BTBD9: variants seen among roughly 807,000 people sequenced by gnomAD.
BTBD9 encodes the protein BTB/POZ domain-containing protein 9.
Under a neutral mutation model 64.3 loss-of-function variants are expected in BTBD9, and 49 were observed. The observed-to-expected ratio is 0.76, with a 90% CI of 0.61 to 0.97. The LOEUF (loss-of-function observed/expected upper bound fraction) is 0.97. Among genes scored for constraint, BTBD9 ranks in the 50% least tolerant of loss-of-function variants. The probability of loss-of-function intolerance (pLI) is 0.00; values close to 1 mark genes in which losing one functional copy is unlikely to be tolerated. For missense variants in BTBD9, 598 were observed against 762.1 expected (o/e 0.78, Z 2.53); for synonymous variants, 260 against 274.7 (o/e 0.95, Z 0.53).
At chr6:38,330,790 T>C (rs544375017) in intron 7 of BTBD9, among the ~76,000 whole-genome samples, 77 of 152,104 alleles carry the variant, frequency 5.1e-4, no homozygotes, top group Non-Finnish European at 7.4e-5. Context: ...AAACAAAGAA[T>C]AAAATAAGCA....
chr6:38,592,688 C>T lies in BTBD9; in HGVS notation c.702G>A (p.Glu234=). ...CTGAAGGCCTCACAACATTCAGAAG[C>T]TCTGTGAGGCTCATGAGAGGTAAAC... ...AVRLPLMSLT[E]LLNVVRPSGL... is the part of the protein sequence containing the mutation. Residue 234 remains glutamate (E), a synonymous_variant, in exon 4 of 11, where the codon GAG becomes GAA. Coordinates refer to ENST00000481247, the MANE Select transcript of BTBD9 (RefSeq NM_001099272.2). 6.2e-7 allele frequency: 1 copy of T among 1,614,134 alleles called. No homozygotes were observed. Among genetic ancestry groups the T allele is most frequent in the Non-Finnish European group, 8.5e-7 (1 of 1,180,016 alleles).
At chr6:38,394,099 G>A (rs1190124912) in intron 6 of BTBD9, among the ~76,000 whole-genome samples, 2 of 152,140 alleles carry the variant, frequency 1.3e-5, no homozygotes, top group Admixed American at 6.5e-5. Flanking sequence ...AACCTATGAT[G>A]TGTTGTCAAG....
At chr6:38,415,053 G>A (rs549156519) in intron 6 of BTBD9, among the ~76,000 whole-genome samples, 1 of 152,212 alleles carries the variant, frequency 6.6e-6, no homozygotes, top group African/African-American at 2.4e-5. Context: ...CCCACTCTAA[G>A]TTGCTTTTTT....
Position 38,598,180 on chromosome 6 carries a change from A to G in BTBD9, c.-27-59T>C, listed in dbSNP as rs115784416. The G allele has an allele frequency of 2.8e-4, 375 of 1,319,882 alleles. 2 individuals carry two copies. In the African/African-American group the frequency reaches 4.9e-3, roughly 17 times the overall value. The allele number at this position is 1,319,882 out of a possible 1,614,324, so 81.8% of individuals were successfully genotyped here. A position where few individuals can be genotyped will look rare whatever the true frequency, so the allele number is the denominator to read the frequency against. Reference sequence around the variant, plus strand: ...GGGAGGGGAGTACACATAGAAAATCACTTACCATAAACACAGCTAAGTAAA... The same window carrying G: ...GGGAGGGGAGTACACATAGAAAATCGCTTACCATAAACACAGCTAAGTAAA... On this transcript the variant is annotated intron_variant, in intron 1 of 10. Coordinates refer to ENST00000481247, the MANE Select transcript of BTBD9 (RefSeq NM_001099272.2).
At chr6:38,596,075 G>A in intron 2 of BTBD9, 1 of 984,916 alleles carries the variant, frequency 1.0e-6, no homozygotes, top group Non-Finnish European at 1.2e-6. Flanking sequence ...TCTGGGAATT[G>A]ATAGGCTATT....
intron 7 of BTBD9, among the ~76,000 whole-genome samples, chr6:38,329,323 C>CTTTT (rs201597571): frequency 7.5e-6 from 1 of 132,712 alleles, no homozygotes; most frequent in Non-Finnish European, 1.6e-5. Flanking sequence ...CCTTTTTTTC[C>CTTTT]TTTTTTTTTT....
intron 9 of BTBD9, among the ~76,000 whole-genome samples, chr6:38,241,968 T>C (rs781285453): frequency 5.3e-5 from 8 of 152,192 alleles, no homozygotes; most frequent in Non-Finnish European, 1.2e-4. Flanking sequence ...ATTTGACCAC[T>C]GGTGTAGAAG....
At chr6:38,276,461 C>A (rs1291055597) in intron 8 of BTBD9, among the ~76,000 whole-genome samples, 1 of 151,824 alleles carries the variant, frequency 6.6e-6, no homozygotes, top group African/African-American at 2.4e-5. Flanking sequence ...AACAAAGCTG[C>A]ACATTGTGCA....
rs540502146 is a variant in BTBD9 at position 38,293,293 on chromosome 6, T to C, written c.1265-4832A>G. On this transcript the variant is annotated intron_variant, in intron 7 of 10. Coordinates refer to ENST00000481247, the MANE Select transcript of BTBD9 (RefSeq NM_001099272.2). ...CTATCCCCATCAAGCTCCATTGAAT[T>C]TCTTCATAGAATTAGAAAAAACTAC... Among the ~76,000 whole-genome samples, 3 of 152,314 alleles carry C rather than the reference T, an allele frequency of 2.0e-5. No individual in the cohort carries two copies. The South Asian group carries it at 6.2e-4, about 32-fold the overall frequency.
At chr6:38,211,219 G>A (rs1024470713) in intron 9 of BTBD9, among the ~76,000 whole-genome samples, 1 of 152,116 alleles carries the variant, frequency 6.6e-6, no homozygotes, top group Non-Finnish European at 1.5e-5. Flanking sequence ...CACGAGGTCA[G>A]GAGATCGAGA....
At chr6:38,325,861 A>G (rs575506641) in intron 7 of BTBD9, among the ~76,000 whole-genome samples, 1 of 152,374 alleles carries the variant, frequency 6.6e-6, no homozygotes, top group East Asian at 1.9e-4. Flanking sequence ...AATGCAACAC[A>G]TCATTCCACT....
At chr6:38,557,183 T>C (rs1775068176) in intron 6 of BTBD9, among the ~76,000 whole-genome samples, 1 of 151,582 alleles carries the variant, frequency 6.6e-6, no homozygotes, top group African/African-American at 2.4e-5. Context: ...CCGTCTCTAC[T>C]AAAAATACAA....
At chr6:38,607,806 A>G (rs913724426) in intron 1 of BTBD9, among the ~76,000 whole-genome samples, 13 of 151,454 alleles carry the variant, frequency 8.6e-5, no homozygotes, top group Admixed American at 6.6e-4. Context: ...TTGCCAAATT[A>G]TTTTTATTTC....
At chr6:38,225,544 T>C (rs542337691) in intron 9 of BTBD9, among the ~76,000 whole-genome samples, 1 of 152,364 alleles carries the variant, frequency 6.6e-6, no homozygotes, top group African/African-American at 2.4e-5. Flanking sequence ...AGGCATTTTA[T>C]AGGTGCTAAG....
intron 6 of BTBD9, among the ~76,000 whole-genome samples, chr6:38,495,612 T>G (rs540921017): frequency 2.6e-5 from 4 of 152,334 alleles, no homozygotes; most frequent in Admixed American, 2.6e-4. Flanking sequence ...TGCTACTGGT[T>G]GCACCCAGCT....
chr6:38,588,291 C>T (rs1185853947), intron 4 of BTBD9: 33 of 1,122,526 alleles, frequency 2.9e-5, no homozygotes, highest in Non-Finnish European at 4.4e-5. Context: ...CCACACAGTA[C>T]CAGGCAAGCA....
chr6:38,201,864 C>T (rs1265552713), intron 9 of BTBD9, among the ~76,000 whole-genome samples: 1 of 151,992 alleles, frequency 6.6e-6, no homozygotes, highest in African/African-American at 2.4e-5. Flanking sequence ...AAAAAAATTC[C>T]TAGGAATAAA....
At chr6:38,276,243 G>A (rs1281991443) in intron 8 of BTBD9, among the ~76,000 whole-genome samples, 2 of 151,096 alleles carry the variant, frequency 1.3e-5, no homozygotes, top group East Asian at 2.0e-4. Flanking sequence ...GCAAACTATC[G>A]CAAGGACAAA....
intron 9 of BTBD9, among the ~76,000 whole-genome samples, chr6:38,204,473 T>C (rs1474266306): frequency 6.6e-6 from 1 of 152,208 alleles, no homozygotes. Flanking sequence ...ATGTATTGTA[T>C]GATTCCATTT....
Sources: allele counts gnomAD v4.1 joint callset (sites outside exome capture counted in the v4.1 genomes callset), GRCh38; gene constraint gnomAD v4.1.1; transcripts MANE v1.5; gene names NCBI Gene and HGNC (gene_info 2026-07-23, HGNC 2026-07-21).